The following PCM1 variants were observed in gnomAD, a reference collection of about 807,000 sequenced individuals.
PCM1 encodes the protein pericentriolar material 1.
A neutral mutation model predicts 241.9 loss-of-function variants in PCM1; 157 were observed. The ratio of observed to expected loss-of-function variants is 0.65; its 90% CI spans 0.57 to 0.74. The LOEUF is 0.74. Ranked by LOEUF, PCM1 falls within the 30% of genes least tolerant of loss-of-function variation. The pLI is 0.00. For synonymous variants in PCM1, 1,085 were observed against 784.9 expected (o/e 1.38, Z -6.39); for missense variants, 3,478 against 2,360.1 (o/e 1.47, Z -9.81).
At chr8:17,928,422 C>T (rs1285593916) in intron 2 of PCM1, among the ~76,000 whole-genome samples, 3 of 152,030 alleles carry the variant, frequency 2.0e-5, no homozygotes, top group Non-Finnish European at 4.4e-5. Flanking sequence ...CTTTGGTTTC[C>T]TACCACCACA....
rs774089797 is a variant in PCM1, at chr8:18,029,777, C to CAGAT, written c.*2123_*2126dup. Reference sequence around the variant, plus strand: ...ATTTTGAAGTTAAAAATTTTGGTTACAGATAGATAGAGGGAGAAAAGTTCA... The same window carrying CAGAT: ...ATTTTGAAGTTAAAAATTTTGGTTACAGATAGATAGATAGAGGGAGAAAAGTTCA... On this transcript the variant is annotated 3_prime_UTR_variant, in exon 39 of 39. Transcript: ENST00000325083. 2.6e-5 allele frequency: 5 copies of CAGAT among 195,634 alleles called. No homozygotes were observed. The South Asian group carries it at 7.7e-4, about 30-fold the overall frequency. 12.1% of individuals were successfully genotyped at this position (195,634 alleles called of 1,614,324 possible).
chr8:17,984,423 G>T (rs1225627833), intron 24 of PCM1, among the ~76,000 whole-genome samples: 1 of 151,856 alleles, frequency 6.6e-6, no homozygotes, highest in Non-Finnish European at 1.5e-5. Context: ...GAGAACTTTA[G>T]TGTATCACTT....
chr8:17,970,087 C>CT (rs1771315018), intron 22 of PCM1, among the ~76,000 whole-genome samples: 1 of 152,034 alleles, frequency 6.6e-6, no homozygotes, highest in Non-Finnish European at 1.5e-5. Flanking sequence ...AGTGATGATC[C>CT]CTTTTTTTGA....
rs114296320 is a variant in PCM1 at position 17,984,842 on chromosome 8, A to G, written c.4109-605A>G. ...TCAGTTGGATCACTTGCCTGCTCCA[A>G]TATACACTGAGTATGTAAATAAGAC... On this transcript the variant is annotated intron_variant, in intron 24 of 38. Transcript: ENST00000325083. 1.3e-3 allele frequency among the ~76,000 whole-genome samples: 204 copies of G among 152,076 alleles called. 1 individual carries two copies. The highest frequency in any genetic ancestry group is 4.5e-3 in the African/African-American group (188 of 41,560).
rs2073337520 is a variant in PCM1, at chr8:17,963,256, G to C, written c.2619G>C (p.Glu873Asp). The change falls in exon 17 of 39, where the codon GAG becomes GAC. Residue 873 changes from glutamate to aspartate, a missense_variant. Physicochemically the swap from Glu to Asp is conservative, Grantham distance 45. Coordinates refer to ENST00000325083, the MANE Select transcript of PCM1 (RefSeq NM_006197.4). ...TGTCATTGAGAAGTGATGGATCTGA[G>C]AACCTATGTACTCCTCAGCAAAGTA... is the stretch of plus-strand genomic sequence containing the variant. ...VAVSLRSDGS[E>D]NLCTPQQSRT... 6.2e-7 allele frequency: 1 copy of C among 1,612,780 alleles called. No individual in the cohort carries two copies. Among genetic ancestry groups the C allele is most frequent in the Non-Finnish European group, 8.5e-7 (1 of 1,179,564 alleles).
chr8:17,983,402 G>T, intron 24 of PCM1: 3 of 379,830 alleles, frequency 7.9e-6, no homozygotes, highest in Admixed American at 3.8e-5. Flanking sequence ...GAGTATATAT[G>T]TTATGTGACT....
At chr8:17,939,560 A>G (rs2061432492) in intron 5 of PCM1, 131 bp from the exon 6 acceptor site, 1 of 468,894 alleles carries the variant, frequency 2.1e-6, no homozygotes, top group African/African-American at 2.0e-5. Context: ...GTTAATTCAC[A>G]CAATAATCCA....
chr8:18,011,670 T>C lies in PCM1; in HGVS notation c.5354T>C (p.Leu1785Ser). The C allele has an allele frequency of 6.2e-7, 1 of 1,603,724 alleles. No individual in the cohort carries two copies. Among genetic ancestry groups the C allele is most frequent in the Non-Finnish European group, 8.5e-7 (1 of 1,175,318 alleles). The change falls in exon 34 of 39, where the codon TTG (leucine) becomes TCG (serine). Residue 1785 changes from leucine (L) to serine (S), a missense_variant. Coordinates refer to ENST00000325083, the MANE Select transcript of PCM1 (RefSeq NM_006197.4). Reference sequence around the variant, plus strand: ...AATTGTGTATTAATCAACTTAGATTTGTCTAAAGCTGAAACTCAGGCTTTA... The same window carrying C: ...AATTGTGTATTAATCAACTTAGATTCGTCTAAAGCTGAAACTCAGGCTTTA... ...ESEGCPVSIN[L>S]SKAETQALTN... is the part of the protein sequence containing the mutation.
At chr8:17,928,925 C>T (rs915252382) in intron 2 of PCM1, among the ~76,000 whole-genome samples, 4 of 152,146 alleles carry the variant, frequency 2.6e-5, no homozygotes, top group African/African-American at 7.2e-5. Context: ...AGCCACCGCA[C>T]CCGACCAGTA....
chr8:17,926,825 TAG>T (rs1294199120), intron 2 of PCM1: 1 of 152,058 alleles, frequency 6.6e-6, no homozygotes, highest in Non-Finnish European at 1.5e-5. Context: ...GTGAGAGAAG[TAG>T]AATGCAAAAA....
At chr8:17,950,376 T>C (rs1275162575) in intron 7 of PCM1, among the ~76,000 whole-genome samples, 1 of 152,316 alleles carries the variant, frequency 6.6e-6, no homozygotes, top group South Asian at 2.1e-4. Context: ...CCTCCTTGTA[T>C]GTTGGGACAG....
chr8:18,010,818 T>C, intron 32 of PCM1, 150 bp downstream of exon 32: 1 of 585,368 alleles, frequency 1.7e-6, no homozygotes, highest in Non-Finnish European at 3.0e-6. Context: ...CCGTCCATAC[T>C]AAAAATACAA....
chr8:17,998,597 G>C (rs992452331), intron 29 of PCM1, among the ~76,000 whole-genome samples: 1 of 152,180 alleles, frequency 6.6e-6, no homozygotes. Context: ...CACTGTGACT[G>C]TGCTGGGTCA....
intron 2 of PCM1, among the ~76,000 whole-genome samples, chr8:17,933,459 G>T (rs1273138588): frequency 6.6e-6 from 1 of 152,134 alleles, no homozygotes; most frequent in African/African-American, 2.4e-5. Context: ...AAGTTCTAAG[G>T]AGAATCCCAG....
chr8:17,986,692 T>C (rs373886), intron 26 of PCM1, among the ~76,000 whole-genome samples: 117,120 of 151,542 alleles, frequency 0.77, 45,752 homozygotes, highest in African/African-American at 0.83. Context: ...TGCTAGTATA[T>C]TGAGGAGATA....
At chr8:18,019,539 T>C (rs143222154) in intron 36 of PCM1, among the ~76,000 whole-genome samples, 242 of 152,296 alleles carry the variant, frequency 1.6e-3, no homozygotes, top group African/African-American at 5.4e-3. Context: ...TGAAACTAGA[T>C]GGTCATATCT....
At chr8:17,940,174 G>A in intron 6 of PCM1, 2 of 1,278,446 alleles carry the variant, frequency 1.6e-6, no homozygotes, top group South Asian at 1.3e-5. Flanking sequence ...CGGCTTTTTG[G>A]TAATTAAAGT....
At chr8:18,011,149 A>AGACTATCAAAAATGGTTCTTTGT in intron 32 of PCM1, 88 bp from the exon 33 acceptor site, 1 of 805,474 alleles carries the variant, frequency 1.2e-6, no homozygotes, top group Non-Finnish European at 1.8e-6. Flanking sequence ...TTTATTAGAT[A>AGACTATCAAAAATGGTTCTTTGT]ATGATCATTA....
chr8:17,995,570 A>G (rs1247910887), intron 29 of PCM1, among the ~76,000 whole-genome samples: 3 of 151,332 alleles, frequency 2.0e-5, no homozygotes, highest in Admixed American at 1.3e-4. Flanking sequence ...TGTGGTTCCT[A>G]TAAATTTTAG....
Sources: allele counts gnomAD v4.1 joint callset (sites outside exome capture counted in the v4.1 genomes callset), GRCh38; gene constraint gnomAD v4.1.1; transcripts MANE v1.5; gene names NCBI Gene and HGNC (gene_info 2026-07-23, HGNC 2026-07-21).